CAND1: variants seen among roughly 807,000 people sequenced by gnomAD.
The protein encoded by CAND1 is cullin associated and neddylation dissociated 1, also known as cullin-associated NEDD8-dissociated protein 1.
Under a neutral mutation model 108.5 loss-of-function variants are expected in CAND1, and 7 were observed. The observed-to-expected ratio is 0.06, with a 90% CI of 0.04 to 0.12. The LOEUF (loss-of-function observed/expected upper bound fraction) is 0.12. Among genes scored for constraint, CAND1 ranks in the 10% least tolerant of loss-of-function variants. The pLI is 1.00. For missense variants in CAND1, 941 were observed against 1,448.7 expected (o/e 0.65, Z 5.69); for synonymous variants, 534 against 512.0 (o/e 1.04, Z -0.58).
chr12:67,307,531 T>C (rs780523218), intron 11 of CAND1, 39 bp downstream of exon 11: 2 of 1,317,010 alleles, frequency 1.5e-6, no homozygotes, highest in Non-Finnish European at 1.1e-6. Flanking sequence ...ATTTTTGGAC[T>C]TTAGAATTCT....
At chr12:67,279,112 C>T (rs897805935) in intron 1 of CAND1, among the ~76,000 whole-genome samples, 1 of 151,380 alleles carries the variant, frequency 6.6e-6, no homozygotes, top group African/African-American at 2.4e-5. Context: ...GGTTTCTGTG[C>T]TCCACATACT....
intron 2 of CAND1, among the ~76,000 whole-genome samples, chr12:67,285,277 ATGTACT>A (rs2044659650): frequency 6.6e-6 from 1 of 152,212 alleles, no homozygotes; most frequent in African/African-American, 2.4e-5. Flanking sequence ...AGATACAAAA[ATGTACT>A]TGAACAAGCA....
At chr12:67,301,076 A>G (rs1482706507) in intron 7 of CAND1, among the ~76,000 whole-genome samples, 1 of 152,086 alleles carries the variant, frequency 6.6e-6, no homozygotes, top group Non-Finnish European at 1.5e-5. Context: ...CTGGGAGGCA[A>G]TTGCCATAGT....
chr12:67,273,713 G>C (rs1299673643), intron 1 of CAND1, among the ~76,000 whole-genome samples: 1 of 151,886 alleles, frequency 6.6e-6, no homozygotes, highest in Non-Finnish European at 1.5e-5. Flanking sequence ...TTGATTTCCG[G>C]CAATCTGCCC....
At chr12:67,312,221 G>T (rs1039161236) in intron 14 of CAND1, among the ~76,000 whole-genome samples, 1 of 151,890 alleles carries the variant, frequency 6.6e-6, no homozygotes. Flanking sequence ...AAGGCCTGGA[G>T]ATGTCATCAT....
chr12:67,316,235 G>C lies in CAND1; in HGVS notation c.*3405G>C, dbSNP rs1217443166. On this transcript the variant is annotated 3_prime_UTR_variant, in exon 15 of 15. Coordinates refer to ENST00000545606, the MANE Select transcript of CAND1 (RefSeq NM_018448.5). ...GACTGATTGGACAAAGGATATTCTG[G>C]TTTTAACTGACTTTTCCATTTAAAT... 1 of 152,126 alleles carries C rather than the reference G, an allele frequency of 6.6e-6. No homozygotes were observed. 9.4% of individuals were successfully genotyped at this position (152,126 alleles called of 1,614,324 possible). A position where few individuals can be genotyped will look rare whatever the true frequency, so the allele number is the denominator to read the frequency against.
intron 6 of CAND1, among the ~76,000 whole-genome samples, chr12:67,298,543 A>T (rs146244987): frequency 6.6e-6 from 1 of 152,278 alleles, no homozygotes; most frequent in Non-Finnish European, 1.5e-5. Context: ...GGGCATTTAT[A>T]TGTTCTGTCC....
At position 67,312,904 on chromosome 12, in the gene CAND1, G is replaced by A; in HGVS notation, c.*74G>A. The A allele has an allele frequency of 1.0e-6, 1 of 957,694 alleles. No homozygotes were observed. The highest frequency in any genetic ancestry group is 1.8e-5 in the South Asian group (1 of 54,524). 59.3% of individuals were successfully genotyped at this position (957,694 alleles called of 1,614,324 possible). A position where few individuals can be genotyped will look rare whatever the true frequency, so the allele number is the denominator to read the frequency against. On this transcript the variant is annotated 3_prime_UTR_variant, in exon 15 of 15. Coordinates refer to ENST00000545606, the MANE Select transcript of CAND1 (RefSeq NM_018448.5). ...AATTGACAGGTTAATCATAAGACAT[G>A]GAAAGAGAAGTGTCTAAAAGCTTCA...
At chr12:67,312,147 A>G (rs1325719564) in intron 14 of CAND1, among the ~76,000 whole-genome samples, 1 of 144,122 alleles carries the variant, frequency 6.9e-6, no homozygotes, top group Non-Finnish European at 1.5e-5. Context: ...AACATTTGCA[A>G]TGAACCTCGA....
chr12:67,308,434 T>C (rs2044911981), intron 11 of CAND1, among the ~76,000 whole-genome samples: 1 of 152,112 alleles, frequency 6.6e-6, no homozygotes. Context: ...ATTGAGGACA[T>C]TGGTATTATG....
At chr12:67,286,912 T>TC (rs2044677103) in intron 2 of CAND1, among the ~76,000 whole-genome samples, 1 of 152,228 alleles carries the variant, frequency 6.6e-6, no homozygotes, top group Non-Finnish European at 1.5e-5. Context: ...GAAAAGACCT[T>TC]CCTTCCCTTC....
intron 11 of CAND1, among the ~76,000 whole-genome samples, chr12:67,309,294 T>C (rs1448188905): frequency 2.0e-5 from 3 of 151,998 alleles, no homozygotes; most frequent in Admixed American, 6.6e-5. Context: ...CCTAGATGGC[T>C]TCTCTGGCTT....
At chr12:67,291,341 G>A (rs574831048) in intron 2 of CAND1, among the ~76,000 whole-genome samples, 26 of 152,190 alleles carry the variant, frequency 1.7e-4, no homozygotes, top group African/African-American at 6.3e-4. Flanking sequence ...TATATAAAAG[G>A]CACATTGTTT....
In CAND1 at chr12:67,269,640, C is replaced by T; in HGVS notation, c.-78C>T. On this transcript the variant is annotated 5_prime_UTR_variant, in exon 1 of 15. Coordinates refer to ENST00000545606, the MANE Select transcript of CAND1 (RefSeq NM_018448.5). ...CCGCCGCGAGCGAGAGGAGGAGCTC[C>T]AGTGGCGGCGGCGGCGGCGGCAGCG... The T allele has an allele frequency of 7.8e-7, 1 of 1,278,138 alleles. No homozygotes were observed. The highest frequency in any genetic ancestry group is 1.2e-5 in the South Asian group (1 of 80,764). The allele number at this position is 1,278,138 out of a possible 1,614,324, so 79.2% of individuals were successfully genotyped here.
rs2045040241 is a variant in CAND1, at chr12:67,319,597, C to T, written c.*6767C>T. Reference sequence around the variant, plus strand: ...TAACGTTGGTGCAGATACTGCTATTCCCCTCCTCCATACCATTGCTGATGG... The same window carrying T: ...TAACGTTGGTGCAGATACTGCTATTTCCCTCCTCCATACCATTGCTGATGG... On this transcript the variant is annotated 3_prime_UTR_variant, in exon 15 of 15. Transcript: ENST00000545606. The T allele has an allele frequency of 6.6e-6, 1 of 152,208 alleles. No homozygotes were observed. Among genetic ancestry groups the T allele is most frequent in the East Asian group, 1.9e-4 (1 of 5,200 alleles). The allele number at this position is 152,208 out of a possible 1,614,324, so 9.4% of individuals were successfully genotyped here.
chr12:67,312,241 T>G (rs900185186), intron 14 of CAND1, among the ~76,000 whole-genome samples: 2 of 151,998 alleles, frequency 1.3e-5, no homozygotes, highest in African/African-American at 4.8e-5. Flanking sequence ...TATGGTGTGT[T>G]TGAAAAAGTG....
At chr12:67,273,633 A>AG (rs1273153035) in intron 1 of CAND1, among the ~76,000 whole-genome samples, 1 of 151,866 alleles carries the variant, frequency 6.6e-6, no homozygotes, top group Non-Finnish European at 1.5e-5. Context: ...ACAGGTGCGC[A>AG]CCACCACACT....
At chr12:67,288,234 C>T (rs575880504) in intron 2 of CAND1, among the ~76,000 whole-genome samples, 2 of 151,184 alleles carry the variant, frequency 1.3e-5, no homozygotes, top group South Asian at 2.1e-4. Flanking sequence ...CAGATTCAAG[C>T]GATTCTCAGA....
chr12:67,269,721 G>T lies in CAND1; in HGVS notation c.4G>T (p.Ala2Ser). Residue 2 changes from alanine (A) to serine (S), a missense_variant, in exon 1 of 15, where the codon GCG becomes TCG. Ala to Ser is a moderately conservative substitution (Grantham distance 99). This residue lies in a region of CAND1 where 44 missense variants were observed against 129.1 expected (regional missense o/e 0.34). Transcript: ENST00000545606. M[A>S]SASYHISNLL... The stretch of plus-strand genomic sequence containing the variant: ...AGGCGGGATCGAGGCCGTCAACATG[G>T]CGAGCGCCTCGTACCACATTTCCAA... The T allele has an allele frequency of 1.2e-6, 2 of 1,603,512 alleles. No individual in the cohort carries two copies. The highest frequency in any genetic ancestry group is 1.7e-6 in the Non-Finnish European group (2 of 1,176,574).
Sources: allele counts gnomAD v4.1 joint callset (sites outside exome capture counted in the v4.1 genomes callset), GRCh38; gene constraint gnomAD v4.1.1; regional missense constraint gnomAD v4.1.1; transcripts MANE v1.5; gene names NCBI Gene and HGNC (gene_info 2026-07-23, HGNC 2026-07-21).